The following FRA10AC1 variants were observed in gnomAD, a reference collection of about 807,000 sequenced individuals.
FRA10AC1 encodes the protein FRA10A associated CGG repeat 1.
FRA10AC1 carries 43 observed loss-of-function variants against 56.5 expected under a neutral mutation model. The observed-to-expected ratio is 0.76, with a 90% CI of 0.60 to 0.98. FRA10AC1 has a LOEUF of 0.98. Among genes scored for constraint, FRA10AC1 ranks in the 50% least tolerant of loss-of-function variants. FRA10AC1 has a pLI of 0.00. For missense variants in FRA10AC1, 346 were observed against 351.8 expected (o/e 0.98, Z 0.13); for synonymous variants, 112 against 110.5 (o/e 1.01, Z -0.09).
chr10:93,686,303 C>T (rs903558189), intron 8 of FRA10AC1, among the ~76,000 whole-genome samples: 3 of 151,752 alleles, frequency 2.0e-5, no homozygotes, highest in African/African-American at 7.2e-5. Context: ...GTTGTTAAAA[C>T]AGCAACAAAA....
In FRA10AC1 at chr10:93,694,946, C is replaced by T; in HGVS notation, c.220-9G>A. On this transcript the variant is annotated splice_polypyrimidine_tract_variant and intron_variant, in intron 4 of 13. Transcript: ENST00000359204. The stretch of plus-strand genomic sequence containing the variant: ...TTTGTATGTCTTTGATACTGAAATG[C>T]AAAAAATTAAGGATTTTATTCTCTT... 1 of 1,371,468 alleles carries T rather than the reference C, an allele frequency of 7.3e-7. No individual in the cohort carries two copies. The allele number at this position is 1,371,468 out of a possible 1,614,324, so 85.0% of individuals were successfully genotyped here.
chr10:93,697,956 T>A, intron 4 of FRA10AC1, among the ~76,000 whole-genome samples, 180 bp downstream of exon 4: 1 of 152,130 alleles, frequency 6.6e-6, no homozygotes, highest in South Asian at 2.1e-4. Context: ...TCTAAATCTT[T>A]CCTATATATT....
Position 93,700,102 on chromosome 10 carries a change from TG to T in FRA10AC1, c.4del (p.His2MetfsTer68). M[H>X]GHGGYDSDFS... ...ATCAGAATCATAGCCTCCATGACCATGCATCTGTAAAGGAGTACAAAGTCAG... is the reference window on the plus strand; with the variant it reads ...ATCAGAATCATAGCCTCCATGACCATCATCTGTAAAGGAGTACAAAGTCAG... On this transcript the variant is annotated frameshift_variant, in exon 2 of 14. Transcript: ENST00000359204. LOFTEE classifies it high-confidence loss of function. 6.3e-7 allele frequency: 1 copy of T among 1,585,448 alleles called. No homozygotes were observed. Among genetic ancestry groups the T allele is most frequent in the Non-Finnish European group, 8.6e-7 (1 of 1,156,082 alleles).
intron 7 of FRA10AC1, among the ~76,000 whole-genome samples, chr10:93,690,500 G>A (rs1246522946): frequency 6.6e-6 from 1 of 151,778 alleles, no homozygotes; most frequent in Non-Finnish European, 1.5e-5. Flanking sequence ...AGCTTTTTCT[G>A]AAAAGTAGTC....
At chr10:93,700,268 C>T (rs970429775) in intron 1 of FRA10AC1, among the ~76,000 whole-genome samples, 162 bp from the exon 2 acceptor site, 1 of 152,186 alleles carries the variant, frequency 6.6e-6, no homozygotes, top group Non-Finnish European at 1.5e-5. Context: ...AACTTTCATT[C>T]GCTTTTAAAT....
Position 93,685,364 on chromosome 10 carries a change from A to C in FRA10AC1, c.512-5T>G, listed in dbSNP as rs755782406. 1 of 1,256,038 alleles carries C rather than the reference A, an allele frequency of 8.0e-7. No homozygotes were observed. The highest frequency in any genetic ancestry group is 1.2e-6 in the Non-Finnish European group (1 of 860,246). The allele number at this position is 1,256,038 out of a possible 1,614,324, so 77.8% of individuals were successfully genotyped here. ...TATTTCCACAGAAAAATTGACCTGCAGAAAGGAAAGGAATATTAGCTATGG... is the reference window on the plus strand; with the variant it reads ...TATTTCCACAGAAAAATTGACCTGCCGAAAGGAAAGGAATATTAGCTATGG... On this transcript the variant is annotated splice_region_variant and splice_polypyrimidine_tract_variant and intron_variant, in intron 8 of 13. Coordinates refer to ENST00000359204, the MANE Select transcript of FRA10AC1 (RefSeq NM_145246.5).
rs989280811 is a variant in FRA10AC1 at position 93,702,466 on chromosome 10, G to A, written c.-92C>T. The A allele has an allele frequency of 5.9e-6, 1 of 169,072 alleles. No homozygotes were observed. Among genetic ancestry groups the A allele is most frequent in the Non-Finnish European group, 1.3e-5 (1 of 79,280 alleles). 10.5% of individuals were successfully genotyped at this position (169,072 alleles called of 1,614,324 possible). ...TGCAGCGACGACCCACGGCCTGAGA[G>A]AGCCGCTGCAGCACAGGTCCCGTGC... On this transcript the variant is annotated 5_prime_UTR_variant, in exon 1 of 14. Transcript: ENST00000359204.
chr10:93,693,559 T>TATAC (rs2059171799), intron 5 of FRA10AC1, among the ~76,000 whole-genome samples: 1 of 136,194 alleles, frequency 7.3e-6, no homozygotes, highest in Non-Finnish European at 1.6e-5. Context: ...CACACATACA[T>TATAC]ACACCATATA....
intron 6 of FRA10AC1, 66 bp downstream of exon 6, chr10:93,692,580 C>CAGGA: frequency 9.8e-7 from 1 of 1,022,978 alleles, no homozygotes; most frequent in Non-Finnish European, 1.5e-6. Context: ...GACTAAAAAA[C>CAGGA]CACTCAGAAA....
chr10:93,691,049 T>A (rs1430621271), intron 7 of FRA10AC1, among the ~76,000 whole-genome samples: 1 of 148,608 alleles, frequency 6.7e-6, no homozygotes, highest in East Asian at 1.9e-4. Flanking sequence ...TTTAAATAGG[T>A]TTTTTTCTTA....
intron 12 of FRA10AC1, chr10:93,671,980 T>A (rs2058769971): frequency 1.9e-5 from 8 of 425,650 alleles, no homozygotes; most frequent in Non-Finnish European, 9.2e-6. Flanking sequence ...AAATCACCTG[T>A]ATTAGTCAAC....
Position 93,691,999 on chromosome 10 carries a change from G to A in FRA10AC1, c.465+10C>T. ...AAGAACCTCTTTCCATAAATATGTGGAAAGCATACCTTATTTTCTTTATAT... is the reference window on the plus strand; with the variant it reads ...AAGAACCTCTTTCCATAAATATGTGAAAAGCATACCTTATTTTCTTTATAT... On this transcript the variant is annotated intron_variant, in intron 7 of 13. Transcript: ENST00000359204. 1 of 1,566,668 alleles carries A rather than the reference G, an allele frequency of 6.4e-7. No individual in the cohort carries two copies. The highest frequency in any genetic ancestry group is 8.6e-7 in the Non-Finnish European group (1 of 1,157,838).
chr10:93,685,260 G>A lies in FRA10AC1; in HGVS notation c.611C>T (p.Ala204Val), dbSNP rs2059005465. ...GYIEHGEKRNALVKLRLCQEC... is the reference protein window; with the variant it reads ...GYIEHGEKRNVLVKLRLCQEC... ...AATCAACTTACTTAATTTAACAAGT[G>A]CATTTCTCTTCTCACCATGCTCAAT... The change falls in exon 9 of 14, where the codon GCA becomes GTA. Residue 204 changes from alanine (A) to valine (V), a missense_variant. Ala to Val is a moderately conservative substitution (Grantham distance 64). Coordinates refer to ENST00000359204, the MANE Select transcript of FRA10AC1 (RefSeq NM_145246.5). The A allele has an allele frequency of 6.7e-7, 1 of 1,498,446 alleles. No homozygotes were observed. The highest frequency in any genetic ancestry group is 1.2e-5 in the South Asian group (1 of 86,862). 92.8% of individuals were successfully genotyped at this position (1,498,446 alleles called of 1,614,324 possible). A position where few individuals can be genotyped will look rare whatever the true frequency, so the allele number is the denominator to read the frequency against.
chr10:93,676,938 T>A (rs573566728), intron 11 of FRA10AC1, among the ~76,000 whole-genome samples: 1 of 152,018 alleles, frequency 6.6e-6, no homozygotes, highest in African/African-American at 2.4e-5. Context: ...CAAAAAATAA[T>A]GAATACCTGC....
intron 8 of FRA10AC1, among the ~76,000 whole-genome samples, chr10:93,686,584 C>T (rs2059031758): frequency 6.6e-6 from 1 of 151,556 alleles, no homozygotes; most frequent in African/African-American, 2.4e-5. Flanking sequence ...ATTCTTTTTC[C>T]TTAATGTTGT....
chr10:93,702,684 G>C (rs953303425), upstream of FRA10AC1: 70 of 230,776 alleles, frequency 3.0e-4, 3 homozygotes, highest in Non-Finnish European at 8.7e-6. Context: ...GGGAAACAAG[G>C]GCAGCGGGAG....
intron 5 of FRA10AC1, 83 bp downstream of exon 5, chr10:93,694,778 A>C (rs1198318800): frequency 1.4e-6 from 1 of 736,760 alleles, no homozygotes; most frequent in East Asian, 2.8e-5. Flanking sequence ...GAAGAATGAC[A>C]GAATCAGAAG....
Position 93,687,457 on chromosome 10 carries a change from TA to T in FRA10AC1, c.466-9del, listed in dbSNP as rs1265602217. ...TCGCCACCTAAATCCAAACTGATAA[TA>T]AAAAAATTACATTTATGCCAATGTA... is the stretch of plus-strand genomic sequence containing the variant. On this transcript the variant is annotated splice_polypyrimidine_tract_variant and intron_variant, in intron 7 of 13. Coordinates refer to ENST00000359204, the MANE Select transcript of FRA10AC1 (RefSeq NM_145246.5). 8.6e-6 allele frequency: 13 copies of T among 1,504,850 alleles called. No homozygotes were observed. Among genetic ancestry groups the T allele is most frequent in the Admixed American group, 6.3e-5 (3 of 47,940 alleles). 93.2% of individuals were successfully genotyped at this position (1,504,850 alleles called of 1,614,324 possible). A position where few individuals can be genotyped will look rare whatever the true frequency, so the allele number is the denominator to read the frequency against.
upstream of FRA10AC1, chr10:93,702,927 A>C (rs192839297): frequency 2.2e-6 from 1 of 453,924 alleles, no homozygotes; most frequent in Admixed American, 2.4e-5. Flanking sequence ...GGATCCTCTC[A>C]GAGCAGCTCA....
Sources: allele counts gnomAD v4.1 joint callset (sites outside exome capture counted in the v4.1 genomes callset), GRCh38; gene constraint gnomAD v4.1.1; transcripts MANE v1.5; gene names NCBI Gene and HGNC (gene_info 2026-07-23, HGNC 2026-07-21).